AKAP6: variants seen among roughly 807,000 people sequenced by gnomAD.
AKAP6 encodes A-kinase anchor protein 6.
Under a neutral mutation model 188.5 loss-of-function variants are expected in AKAP6, and 58 were observed. The ratio of observed to expected loss-of-function variants is 0.31; its 90% CI spans 0.25 to 0.38. The LOEUF is 0.38. Among genes scored for constraint, AKAP6 ranks in the 10% least tolerant of loss-of-function variants. The probability of loss-of-function intolerance (pLI) is 1.00; values close to 1 mark genes in which losing one functional copy is unlikely to be tolerated. For missense variants in AKAP6, 2,710 were observed against 2,740.0 expected, an observed-to-expected ratio of 0.99 and a Z score of 0.24; for synonymous variants, 989 against 998.6, an observed-to-expected ratio of 0.99 and a Z score of 0.18.
rs2139153003 is a variant in AKAP6, at chr14:32,545,698, A to G, written c.1045A>G (p.Ser349Gly). 1 of 1,614,186 alleles carries G rather than the reference A, an allele frequency of 6.2e-7. No individual in the cohort carries two copies. The stretch of plus-strand genomic sequence containing the variant: ...CTCTGAGACTGTGCAGCAAGAATCC[A>G]GTTCCTCCTCCCATCATGATGCAAA... ...PSSETVQQES[S>G]SSSHHDAKNQ... The change falls in exon 4 of 14, where the codon AGT becomes GGT. Residue 349 changes from serine (S) to glycine (G), a missense_variant. Physicochemically the swap from Ser to Gly is moderately conservative, Grantham distance 56. Coordinates refer to ENST00000280979, the MANE Select transcript of AKAP6 (RefSeq NM_004274.5).
chr14:32,806,641 C>T (rs2034096396), intron 12 of AKAP6, among the ~76,000 whole-genome samples: 1 of 152,088 alleles, frequency 6.6e-6, no homozygotes, highest in African/African-American at 2.4e-5. Flanking sequence ...TGCACCACTA[C>T]ACTCCAGCCC....
intron 2 of AKAP6, chr14:32,474,629 A>T (rs1015943869): frequency 6.6e-6 from 1 of 152,258 alleles, no homozygotes; most frequent in African/African-American, 2.4e-5. Context: ...GTTCACACAC[A>T]TTAAAGAAAT....
intron 7 of AKAP6, among the ~76,000 whole-genome samples, chr14:32,646,471 A>AC (rs1417877685): frequency 1.3e-5 from 2 of 152,112 alleles, no homozygotes; most frequent in East Asian, 3.9e-4. Flanking sequence ...CGCAAGATCT[A>AC]CCATAAGCGT....
chr14:32,739,652 T>C (rs2031588906), intron 11 of AKAP6, among the ~76,000 whole-genome samples: 1 of 152,268 alleles, frequency 6.6e-6, no homozygotes, highest in Admixed American at 6.5e-5. Context: ...CTTATTTCAC[T>C]TAACAAAATG....
At chr14:32,650,097 A>C (rs918600365) in intron 7 of AKAP6, among the ~76,000 whole-genome samples, 1 of 152,160 alleles carries the variant, frequency 6.6e-6, no homozygotes, top group Non-Finnish European at 1.5e-5. Context: ...CACAGCTATA[A>C]ATTTCAGAGA....
chr14:32,676,381 G>T lies in AKAP6; in HGVS notation c.2731-1930G>T, dbSNP rs112323069. 3.1e-3 allele frequency among the ~76,000 whole-genome samples: 475 copies of T among 151,918 alleles called. 2 individuals are homozygous for T. Among genetic ancestry groups the T allele is most frequent in the African/African-American group, 6.9e-3 (285 of 41,402 alleles). On this transcript the variant is annotated intron_variant, in intron 7 of 13. Coordinates refer to ENST00000280979, the MANE Select transcript of AKAP6 (RefSeq NM_004274.5). The stretch of plus-strand genomic sequence containing the variant: ...ACATCAGTAGTTATTATTCTTTCAG[G>T]TTTCATGATGTTTGCAAACCTCTTA...
intron 10 of AKAP6, 104 bp from the exon 11 acceptor site, chr14:32,735,554 T>G: frequency 1.2e-6 from 1 of 810,800 alleles, no homozygotes; most frequent in African/African-American, 1.7e-5. Flanking sequence ...AACTGTGGTG[T>G]GTTTTTGGTA....
At chr14:32,540,810 A>G (rs1308787178) in intron 3 of AKAP6, among the ~76,000 whole-genome samples, 1 of 152,070 alleles carries the variant, frequency 6.6e-6, no homozygotes, top group Non-Finnish European at 1.5e-5. Context: ...CTTTTCTTAC[A>G]ATTGCCTCTG....
intron 5 of AKAP6, among the ~76,000 whole-genome samples, chr14:32,582,690 T>G (rs1385898009): frequency 6.6e-6 from 1 of 152,180 alleles, no homozygotes; most frequent in Non-Finnish European, 1.5e-5. Flanking sequence ...GTTCATTTCT[T>G]TTTATTCTTT....
chr14:32,486,219 G>A (rs1400770247), intron 2 of AKAP6, among the ~76,000 whole-genome samples: 6 of 39,444 alleles, frequency 1.5e-4, no homozygotes, highest in African/African-American at 8.9e-4. Context: ...GTTACCGTAT[G>A]CTTGTAGTAT....
intron 1 of AKAP6, among the ~76,000 whole-genome samples, chr14:32,420,065 A>G (rs1889789529): frequency 6.6e-6 from 1 of 152,074 alleles, no homozygotes; most frequent in Non-Finnish European, 1.5e-5. Flanking sequence ...TAATCTAGGT[A>G]TTTTTTAAGC....
chr14:32,460,666 G>C (rs1316600106), intron 2 of AKAP6, among the ~76,000 whole-genome samples: 1 of 152,216 alleles, frequency 6.6e-6, no homozygotes, highest in East Asian at 1.9e-4. Flanking sequence ...CACCAAGCTA[G>C]CTGCAGGAGT....
At chr14:32,410,868 A>G (rs943403717) in intron 1 of AKAP6, among the ~76,000 whole-genome samples, 2 of 152,194 alleles carry the variant, frequency 1.3e-5, no homozygotes, top group Non-Finnish European at 2.9e-5. Flanking sequence ...TCATAAAATA[A>G]TCTTAGTTGA....
chr14:32,378,637 C>T (rs1186656170), intron 1 of AKAP6, among the ~76,000 whole-genome samples: 2 of 152,210 alleles, frequency 1.3e-5, no homozygotes, highest in Admixed American at 6.5e-5. Context: ...TTAGGCTGCA[C>T]ACCAAAGTGA....
intron 2 of AKAP6, among the ~76,000 whole-genome samples, chr14:32,461,026 C>T (rs1337656394): frequency 6.6e-6 from 1 of 152,208 alleles, no homozygotes; most frequent in African/African-American, 2.4e-5. Flanking sequence ...AATTCCTCCT[C>T]ACTGGGCAGG....
chr14:32,368,955 G>A (rs1185334334), intron 1 of AKAP6, among the ~76,000 whole-genome samples: 1 of 152,094 alleles, frequency 6.6e-6, no homozygotes, highest in Non-Finnish European at 1.5e-5. Context: ...GTTAAGTGGG[G>A]GAGTGATGTG....
At chr14:32,363,848 G>A (rs973639679) in intron 1 of AKAP6, among the ~76,000 whole-genome samples, 1 of 152,174 alleles carries the variant, frequency 6.6e-6, no homozygotes, top group African/African-American at 2.4e-5. Flanking sequence ...CCATCACAAG[G>A]TGCCATCTGA....
At position 32,551,399 on chromosome 14, in the gene AKAP6, C is replaced by T. The variant is rs535526018; in HGVS notation, c.2346+4400C>T. On this transcript the variant is annotated intron_variant, in intron 4 of 13. Transcript: ENST00000280979. ...CCAGCCTGGCCAACATGGTGAAACC[C>T]CATCTCTACTAAATAAACAAAAATT... Among the ~76,000 whole-genome samples, 34 of 151,724 alleles carry T rather than the reference C, an allele frequency of 2.2e-4. 1 individual carries two copies. The highest frequency in any genetic ancestry group is 4.2e-4 in the South Asian group (2 of 4,792).
intron 3 of AKAP6, among the ~76,000 whole-genome samples, chr14:32,540,168 C>CTCTCTCTCTCTATATA (rs1240063339): frequency 2.5e-4 from 15 of 60,914 alleles, no homozygotes; most frequent in African/African-American, 1.5e-3. Flanking sequence ...CTCTCTCTCT[C>CTCTCTCTCTCTATATA]TATATATATA....
Sources: allele counts gnomAD v4.1 joint callset (sites outside exome capture counted in the v4.1 genomes callset), GRCh38; gene constraint gnomAD v4.1.1; transcripts MANE v1.5; gene names NCBI Gene and HGNC (gene_info 2026-07-23, HGNC 2026-07-21).